The following VGLL4 variants were observed in gnomAD, a reference collection of about 807,000 sequenced individuals.
VGLL4 encodes the protein vestigial like family member 4.
In VGLL4, 7 loss-of-function variants were observed where a neutral mutation model predicts 21.0. The ratio of observed to expected loss-of-function variants is 0.33; its 90% confidence interval spans 0.19 to 0.63. The LOEUF is 0.63. Among genes scored for constraint, VGLL4 ranks in the 20% least tolerant of loss-of-function variants. VGLL4 has a pLI of 0.78. For synonymous variants in VGLL4, 222 were observed against 173.2 expected (o/e 1.28, Z -2.21); for missense variants, 394 against 425.7 (o/e 0.93, Z 0.66).
intron 1 of VGLL4, among the ~76,000 whole-genome samples, chr3:11,712,463 A>G (rs751675955): frequency 6.6e-6 from 1 of 152,232 alleles, no homozygotes; most frequent in African/African-American, 2.4e-5. Flanking sequence ...TGTATAGCAT[A>G]CATGTTTTCA....
chr3:11,601,224 C>T (rs1196763347), intron 2 of VGLL4, among the ~76,000 whole-genome samples: 1 of 152,154 alleles, frequency 6.6e-6, no homozygotes, highest in Admixed American at 6.5e-5. Context: ...CAATTCATGT[C>T]AAGAAGGTAG....
chr3:11,681,135 C>T (rs13080198), intron 2 of VGLL4, among the ~76,000 whole-genome samples: 80,001 of 151,982 alleles, frequency 0.53, 22,196 homozygotes, highest in Non-Finnish European at 0.63. Flanking sequence ...TCTCGCTCTG[C>T]CGCCCAGGCT....
intron 2 of VGLL4, among the ~76,000 whole-genome samples, chr3:11,593,677 G>A (rs375895788): frequency 3.9e-5 from 6 of 152,150 alleles, no homozygotes; most frequent in South Asian, 2.1e-4. Context: ...AACAGGAACC[G>A]GAGAGCCCAA....
chr3:11,606,304 G>A (rs777968835), intron 1 of VGLL4, among the ~76,000 whole-genome samples: 11 of 152,194 alleles, frequency 7.2e-5, no homozygotes, highest in Admixed American at 2.0e-4. Flanking sequence ...ATGAGATTGG[G>A]TGGGGACACT....
chr3:11,610,114 C>A (rs891961967), intron 1 of VGLL4: 2 of 151,110 alleles, frequency 1.3e-5, no homozygotes, highest in African/African-American at 2.4e-5. Flanking sequence ...TGACCACAGC[C>A]CATGGCAACC....
At chr3:11,635,228 G>A (rs934996264) in intron 1 of VGLL4, among the ~76,000 whole-genome samples, 3 of 152,188 alleles carry the variant, frequency 2.0e-5, no homozygotes, top group African/African-American at 7.2e-5. Context: ...TGGCAAGGAC[G>A]ATACAGTCTA....
rs545630570 is a variant in VGLL4 at position 11,595,913 on chromosome 3, T to G, written c.272+5920A>C. 1.7e-3 allele frequency among the ~76,000 whole-genome samples: 251 copies of G among 151,600 alleles called. 1 individual carries two copies. The highest frequency in any genetic ancestry group is 5.6e-3 in the African/African-American group (230 of 41,330). On this transcript the variant is annotated intron_variant, in intron 2 of 4. Transcript: ENST00000430365. The stretch of plus-strand genomic sequence containing the variant: ...ACAAGTTAATGGGTGCAGCACACCA[T>G]CATGGCACATGTATACACATGTAAC...
chr3:11,720,985 A>C (rs1349377891), upstream of VGLL4, among the ~76,000 whole-genome samples: 1 of 152,208 alleles, frequency 6.6e-6, no homozygotes, highest in East Asian at 1.9e-4. Context: ...TTAAGAAAAC[A>C]TTTGCTTAAC....
At chr3:11,705,292 G>A (rs1482617283) in intron 1 of VGLL4, among the ~76,000 whole-genome samples, 2 of 152,226 alleles carry the variant, frequency 1.3e-5, no homozygotes, top group African/African-American at 4.8e-5. Context: ...GCAAGCACGC[G>A]GAGGGCAGCG....
intron 1 of VGLL4, among the ~76,000 whole-genome samples, chr3:11,611,125 CGGA>C (rs1028748417): frequency 1.2e-5 from 1 of 80,204 alleles, no homozygotes; most frequent in African/African-American, 5.0e-5. Context: ...GGGAGGAAGG[CGGA>C]GAAGAGAGGG....
intron 1 of VGLL4, among the ~76,000 whole-genome samples, chr3:11,608,837 G>A (rs997501327): frequency 6.6e-6 from 1 of 152,100 alleles, no homozygotes; most frequent in Admixed American, 6.5e-5. Context: ...AACTCCAGAG[G>A]CTTCAAAACA....
At chr3:11,665,431 T>A (rs753717916) in intron 2 of VGLL4, among the ~76,000 whole-genome samples, 1 of 152,132 alleles carries the variant, frequency 6.6e-6, no homozygotes, top group Non-Finnish European at 1.5e-5. Context: ...TAATCCACTC[T>A]AAAAAGTCCC....
At chr3:11,661,931 C>T (rs1167647896) in intron 2 of VGLL4, among the ~76,000 whole-genome samples, 2 of 152,046 alleles carry the variant, frequency 1.3e-5, no homozygotes, top group African/African-American at 2.4e-5. Flanking sequence ...AAACGGATGC[C>T]GCACTAAACA....
intron 2 of VGLL4, among the ~76,000 whole-genome samples, chr3:11,575,114 A>G (rs896463182): frequency 1.3e-5 from 2 of 152,088 alleles, no homozygotes; most frequent in African/African-American, 4.8e-5. Context: ...AGGTGGAGGG[A>G]TCTGCCTGGG....
At chr3:11,562,927 AG>A (rs2073156571) in intron 3 of VGLL4, among the ~76,000 whole-genome samples, 2 of 152,176 alleles carry the variant, frequency 1.3e-5, no homozygotes, top group Non-Finnish European at 2.9e-5. Flanking sequence ...AGGCACAAGG[AG>A]GGGCCCTTGC....
At position 11,620,178 on chromosome 3, in the gene VGLL4, G is replaced by A. The variant is rs1410953736; in HGVS notation, c.83-18156C>T. 2.6e-5 allele frequency among the ~76,000 whole-genome samples: 4 copies of A among 152,278 alleles called. No homozygotes were observed. In the East Asian group the frequency reaches 7.7e-4, roughly 29 times the overall value. ...ACTATCATTAGTTTCATTTTCAGGA[G>A]GAAATGGTCACCAAAAGTGGCTCAG... On this transcript the variant is annotated intron_variant, in intron 1 of 4. Transcript: ENST00000430365.
intron 2 of VGLL4, among the ~76,000 whole-genome samples, chr3:11,577,970 C>T (rs1340719694): frequency 1.3e-5 from 2 of 152,194 alleles, no homozygotes; most frequent in African/African-American, 4.8e-5. Context: ...GCACATGCCA[C>T]AAGTGAACAT....
intron 2 of VGLL4, among the ~76,000 whole-genome samples, chr3:11,667,842 C>CT (rs746416276): frequency 0.032 from 2,240 of 69,312 alleles, 328 homozygotes; most frequent in African/African-American, 0.049. Context: ...CTATCTTCTT[C>CT]TTTTTTTTTT....
chr3:11,569,308 G>T lies in VGLL4; in HGVS notation c.273-4289C>A, dbSNP rs117185998. On this transcript the variant is annotated intron_variant, in intron 2 of 4. Transcript: ENST00000430365. ...AGTCTGAGTTCCTCTGCCTGGGGAG[G>T]GGGTATGGGTACAAGACATTTTGAG... Among the ~76,000 whole-genome samples the T allele has an allele frequency of 3.1e-3, 466 of 152,274 alleles. 9 individuals are homozygous for T. The highest frequency in any genetic ancestry group is 0.02 in the Admixed American group (307 of 15,304).
Sources: gnomAD v4.1 joint callset for allele counts (sites outside exome capture counted in the v4.1 genomes callset) on GRCh38, gnomAD v4.1.1 for gene constraint, MANE v1.5 for transcripts, NCBI Gene and HGNC (gene_info 2026-07-23, HGNC 2026-07-21) for gene names.